Variants in ZNF235 observed in about 807,000 individuals in gnomAD.
ZNF235 encodes zinc finger protein 235, also known as zfp-93.
ZNF235 carries 25 observed loss-of-function variants against 29.4 expected under a neutral mutation model. The ratio of observed to expected loss-of-function variants is 0.85; its 90% CI spans 0.62 to 1.19. ZNF235 has a LOEUF of 1.19. Ranked by LOEUF, ZNF235 falls within the 50% of genes most tolerant of loss-of-function variation. ZNF235 has a pLI of 0.00. For missense variants in ZNF235, 788 were observed against 885.0 expected (o/e 0.89, Z 1.39); for synonymous variants, 300 against 295.3 (o/e 1.02, Z -0.16).
chr19:44,288,050 T>C lies in ZNF235; in HGVS notation c.1385A>G (p.Asp462Gly), dbSNP rs761078769. The C allele has an allele frequency of 1.2e-6, 2 of 1,614,180 alleles. No individual in the cohort carries two copies. The highest frequency in any genetic ancestry group is 1.7e-5 in the Admixed American group (1 of 60,006). ...VHTEEKPYKC[D>G]ECGKCFSLSF... ...CAAACTAAAGCACTTACCACACTCA[T>C]CACATTTGTATGGTTTTTCTTCAGT... is the stretch of plus-strand genomic sequence containing the variant. Residue 462 changes from aspartate to glycine, a missense_variant, in exon 5 of 5, where the codon GAT becomes GGT. Coordinates refer to ENST00000291182, the MANE Select transcript of ZNF235 (RefSeq NM_004234.4).
rs369962631 is a variant in ZNF235, at chr19:44,298,398, C to CT, written c.238+409dup. Among the ~76,000 whole-genome samples, 165 of 145,018 alleles carry CT rather than the reference C, an allele frequency of 1.1e-3. 3 individuals are homozygous for CT. Among genetic ancestry groups the CT allele is most frequent in the East Asian group, 1.6e-3 (8 of 4,998 alleles). The stretch of plus-strand genomic sequence containing the variant: ...ACATGATGTGACAGATGTTTTCATT[C>CT]TTTTTTTTTTTTTCCTGAGACAGAG... On this transcript the variant is annotated intron_variant, in intron 4 of 4. Coordinates refer to ENST00000291182, the MANE Select transcript of ZNF235 (RefSeq NM_004234.4).
chr19:44,289,339 G>A (rs369997310), intron 4 of ZNF235, 143 bp from the exon 5 acceptor site: 37 of 722,816 alleles, frequency 5.1e-5, no homozygotes, highest in East Asian at 2.3e-4. Flanking sequence ...TAGGAACTCT[G>A]AAAAGCAGCT....
chr19:44,293,963 A>T lies in ZNF235; in HGVS notation c.239-4767T>A, dbSNP rs543364986. Reference sequence around the variant, plus strand: ...AAATGTCTACACTAAAAAAAAAAAAAGATAAAAAATTAACAACCTGTGTCT... The same window carrying T: ...AAATGTCTACACTAAAAAAAAAAAATGATAAAAAATTAACAACCTGTGTCT... On this transcript the variant is annotated intron_variant, in intron 4 of 4. Coordinates refer to ENST00000291182, the MANE Select transcript of ZNF235 (RefSeq NM_004234.4). Among the ~76,000 whole-genome samples, 110 of 145,858 alleles carry T rather than the reference A, an allele frequency of 7.5e-4. 1 individual carries two copies. Among genetic ancestry groups the T allele is most frequent in the African/African-American group, 2.6e-3 (105 of 39,626 alleles).
chr19:44,289,109 T>C lies in ZNF235; in HGVS notation c.326A>G (p.Lys109Arg), dbSNP rs775788321. The change falls in exon 5 of 5, where the codon AAG becomes AGG. Residue 109 changes from lysine (K) to arginine (R), a missense_variant. Lys to Arg is a conservative substitution (Grantham distance 26). Transcript: ENST00000291182. ...SLGELSCWQI[K>R]RHIASKLARS... ...GGCTAATTTGCTCGCAATGTGTCTC[T>C]TGATTTGCCAGCATGAAAGCTCTCC... is the stretch of plus-strand genomic sequence containing the variant. The C allele has an allele frequency of 3.1e-6, 5 of 1,614,164 alleles. No individual in the cohort carries two copies. In the South Asian group the frequency reaches 4.4e-5, roughly 14 times the overall value.
chr19:44,298,844 T>C lies in ZNF235; in HGVS notation c.202A>G (p.Met68Val), dbSNP rs746671634. 2 of 1,614,108 alleles carry C rather than the reference T, an allele frequency of 1.2e-6. No individual in the cohort carries two copies. The highest frequency in any genetic ancestry group is 2.2e-5 in the South Asian group (2 of 91,080). ...CCTCTTTGGGTTTGAAGCTCCTTCA[T>C]CCAAAGCTTTTCTTCCCTCTCCAAC... is the stretch of plus-strand genomic sequence containing the variant. ...SQLEREEKLW[M>V]KELQTQRGKH... The change falls in exon 4 of 5, where the codon ATG becomes GTG. Residue 68 changes from methionine to valine, a missense_variant. Met to Val is a conservative substitution (Grantham distance 21, BLOSUM62 1). Transcript: ENST00000291182.
Position 44,287,012 on chromosome 19 carries a change from A to C in ZNF235, c.*206T>G. The C allele has an allele frequency of 1.9e-6, 1 of 537,806 alleles. No homozygotes were observed. The highest frequency in any genetic ancestry group is 3.5e-5 in the South Asian group (1 of 28,900). The allele number at this position is 537,806 out of a possible 1,614,324, so 33.3% of individuals were successfully genotyped here. A position where few individuals can be genotyped will look rare whatever the true frequency, so the allele number is the denominator to read the frequency against. ...AACACTGATCATATTTACAGAACAA[A>C]GTTTTCTCGCATCTGTGAAATATGA... On this transcript the variant is annotated 3_prime_UTR_variant, in exon 5 of 5. Coordinates refer to ENST00000291182, the MANE Select transcript of ZNF235 (RefSeq NM_004234.4).
At chr19:44,302,987 TATAA>T (rs1263577025) in intron 2 of ZNF235, among the ~76,000 whole-genome samples, 49 of 133,386 alleles carry the variant, frequency 3.7e-4, no homozygotes, top group African/African-American at 1.0e-3. Context: ...TATATTTATA[TATAA>T]ATATATACAT....
intron 2 of ZNF235, among the ~76,000 whole-genome samples, chr19:44,302,818 TTATA>T (rs1335373906): frequency 1.5e-5 from 2 of 131,038 alleles, no homozygotes; most frequent in South Asian, 4.4e-4. Context: ...ATATATATAC[TTATA>T]TATATATAAC....
rs759940277 is a variant in ZNF235, at chr19:44,288,982, A to G, written c.453T>C (p.Ala151=). The change falls in exon 5 of 5, where the codon GCT becomes GCC. Residue 151 remains alanine, a synonymous_variant. Coordinates refer to ENST00000291182, the MANE Select transcript of ZNF235 (RefSeq NM_004234.4). ...TCACTAGACAGTTGTCATCCACAGA[A>G]GCTTGAATAGATTCTCCTGCTCCCA... The part of the protein sequence containing the change: ...CQVGAGESIQ[A]SVDDNCLVNH... 1.2e-6 allele frequency: 2 copies of G among 1,613,964 alleles called. No homozygotes were observed. Among genetic ancestry groups the G allele is most frequent in the Non-Finnish European group, 1.7e-6 (2 of 1,179,958 alleles).
intron 4 of ZNF235, among the ~76,000 whole-genome samples, chr19:44,294,253 G>T (rs1344883878): frequency 6.6e-6 from 1 of 151,996 alleles, no homozygotes; most frequent in Non-Finnish European, 1.5e-5. Context: ...TAAAAAACAT[G>T]ATCAGACACT....
chr19:44,296,198 A>G (rs1043804802), intron 4 of ZNF235, among the ~76,000 whole-genome samples: 25 of 152,216 alleles, frequency 1.6e-4, no homozygotes, highest in Admixed American at 6.5e-5. Flanking sequence ...TCTATGGGTG[A>G]TATGACATTC....
intron 4 of ZNF235, among the ~76,000 whole-genome samples, chr19:44,292,238 T>C (rs1975594331): frequency 6.6e-6 from 1 of 151,374 alleles, no homozygotes; most frequent in South Asian, 2.1e-4. Flanking sequence ...ATAAAGATCA[T>C]AAAGGAAAAA....
At chr19:44,298,446 C>G (rs553366994) in intron 4 of ZNF235, among the ~76,000 whole-genome samples, 1 of 151,612 alleles carries the variant, frequency 6.6e-6, no homozygotes, top group East Asian at 1.9e-4. Context: ...ACCCAGGTTG[C>G]AATGCAGTAG....
chr19:44,302,497 T>C (rs1975752089), intron 2 of ZNF235, among the ~76,000 whole-genome samples: 1 of 152,058 alleles, frequency 6.6e-6, no homozygotes, highest in East Asian at 1.9e-4. Flanking sequence ...GAGAGTTGTT[T>C]TCCATTTAAA....
chr19:44,289,383 C>T, intron 4 of ZNF235, 187 bp from the exon 5 acceptor site: 2 of 570,332 alleles, frequency 3.5e-6, no homozygotes, highest in South Asian at 5.5e-5. Flanking sequence ...TTTAAAAAGC[C>T]ATATTTAAGA....
Position 44,298,803 on chromosome 19 carries a change from C to T in ZNF235, c.238+5G>A. 1 of 1,606,272 alleles carries T rather than the reference C, an allele frequency of 6.2e-7. No individual in the cohort carries two copies. The highest frequency in any genetic ancestry group is 1.1e-5 in the South Asian group (1 of 90,814). On this transcript the variant is annotated splice_donor_5th_base_variant and intron_variant, in intron 4 of 4. Coordinates refer to ENST00000291182, the MANE Select transcript of ZNF235 (RefSeq NM_004234.4). ...TAACTACGATTCCGGCTGCACAGTACTCACCTGAATGCTTACCTCTTTGGG... is the reference window on the plus strand; with the variant it reads ...TAACTACGATTCCGGCTGCACAGTATTCACCTGAATGCTTACCTCTTTGGG...
Position 44,289,108 on chromosome 19 carries a change from C to A in ZNF235, c.327G>T (p.Lys109Asn). 1 of 1,614,108 alleles carries A rather than the reference C, an allele frequency of 6.2e-7. No homozygotes were observed. Among genetic ancestry groups the A allele is most frequent in the South Asian group, 1.1e-5 (1 of 91,086 alleles). ...SLGELSCWQIKRHIASKLARS... is the reference protein window; with the variant it reads ...SLGELSCWQINRHIASKLARS... ...TGGCTAATTTGCTCGCAATGTGTCTCTTGATTTGCCAGCATGAAAGCTCTC... is the reference window on the plus strand; with the variant it reads ...TGGCTAATTTGCTCGCAATGTGTCTATTGATTTGCCAGCATGAAAGCTCTC... Residue 109 changes from lysine to asparagine, a missense_variant, in exon 5 of 5, where the codon AAG (lysine) becomes AAT (asparagine). Lys to Asn is a moderately conservative substitution (Grantham distance 94, BLOSUM62 0). Transcript: ENST00000291182.
intron 2 of ZNF235, among the ~76,000 whole-genome samples, chr19:44,302,928 G>A (rs12977614): frequency 2.0e-3 from 71 of 34,678 alleles, no homozygotes; most frequent in African/African-American, 6.7e-3. Flanking sequence ...ATATTTGTAT[G>A]TATTTATATA....
chr19:44,304,534 T>C (rs1014100983), intron 1 of ZNF235, among the ~76,000 whole-genome samples: 28 of 152,184 alleles, frequency 1.8e-4, no homozygotes, highest in Non-Finnish European at 3.4e-4. Flanking sequence ...AGGCGTCTTT[T>C]TCAGTATTAT....
Sources: gnomAD v4.1 joint callset for allele counts (sites outside exome capture counted in the v4.1 genomes callset) on GRCh38, gnomAD v4.1.1 for gene constraint, MANE v1.5 for transcripts, NCBI Gene and HGNC (gene_info 2026-07-23, HGNC 2026-07-21) for gene names.